Variants in CAMK4 observed in about 807,000 individuals in gnomAD.
CAMK4 encodes the protein calcium/calmodulin-dependent protein kinase type IV.
In CAMK4, 22 loss-of-function variants were observed where a neutral mutation model predicts 44.9. The ratio of observed to expected loss-of-function variants is 0.49; its 90% CI spans 0.35 to 0.70. CAMK4 has a LOEUF of 0.70. Ranked by LOEUF, CAMK4 falls within the 30% of genes least tolerant of loss-of-function variation. CAMK4 has a pLI of 0.01. For missense variants in CAMK4, 498 were observed against 586.8 expected (o/e 0.85, Z 1.56); for synonymous variants, 218 against 215.4 (o/e 1.01, Z -0.11).
intron 5 of CAMK4, among the ~76,000 whole-genome samples, chr5:111,417,674 T>G (rs1752864850): frequency 6.6e-6 from 1 of 152,172 alleles, no homozygotes; most frequent in South Asian, 2.1e-4. Context: ...AACTTTGAAA[T>G]TAACAAGTTA....
At chr5:111,346,526 A>G (rs988161890) in intron 2 of CAMK4, among the ~76,000 whole-genome samples, 2 of 149,474 alleles carry the variant, frequency 1.3e-5, no homozygotes, top group Non-Finnish European at 1.5e-5. Context: ...CCATCCATCT[A>G]TCTATTTCCA....
intron 4 of CAMK4, among the ~76,000 whole-genome samples, chr5:111,394,178 A>G (rs1319379803): frequency 2.6e-5 from 4 of 152,180 alleles, no homozygotes; most frequent in African/African-American, 4.8e-5. Context: ...TGCATATTTG[A>G]TAATATTAAG....
At chr5:111,326,719 T>G (rs1270888149) in intron 1 of CAMK4, among the ~76,000 whole-genome samples, 1 of 151,814 alleles carries the variant, frequency 6.6e-6, no homozygotes, top group Non-Finnish European at 1.5e-5. Flanking sequence ...TCTGTGAATG[T>G]TGCCATTTGC....
rs1244501446 is a variant in CAMK4, at chr5:111,492,010, T to C, written c.*7544T>C. 6.6e-6 allele frequency: 1 copy of C among 152,232 alleles called. No homozygotes were observed. Among genetic ancestry groups the C allele is most frequent in the Non-Finnish European group, 1.5e-5 (1 of 68,040 alleles). 9.4% of individuals were successfully genotyped at this position (152,232 alleles called of 1,614,324 possible). A position where few individuals can be genotyped will look rare whatever the true frequency, so the allele number is the denominator to read the frequency against. On this transcript the variant is annotated 3_prime_UTR_variant, in exon 11 of 11. Transcript: ENST00000282356. ...TCCTGAGTGTTACGTATTTTATTTC[T>C]TTGAAAAGAGAGGGCCTTGAGTAAA...
In CAMK4 at chr5:111,429,349, C is replaced by T. The variant is rs537510525; in HGVS notation, c.460-17337C>T. On this transcript the variant is annotated intron_variant, in intron 5 of 10. Transcript: ENST00000282356. ...AATTCAAAGGTAATTAGTGCTACTG[C>T]GAGCAACTACATGCCAATAAATTGG... 4.6e-5 allele frequency among the ~76,000 whole-genome samples: 7 copies of T among 152,170 alleles called. No homozygotes were observed. In the East Asian group the frequency reaches 9.6e-4, roughly 21 times the overall value.
intron 1 of CAMK4, among the ~76,000 whole-genome samples, chr5:111,236,369 C>T (rs747056607): frequency 3.3e-5 from 5 of 152,232 alleles, no homozygotes; most frequent in Non-Finnish European, 5.9e-5. Flanking sequence ...TGTGATTATA[C>T]TGTCTTTAAG....
chr5:111,361,283 A>G (rs1750580560), intron 2 of CAMK4, among the ~76,000 whole-genome samples: 1 of 152,048 alleles, frequency 6.6e-6, no homozygotes, highest in African/African-American at 2.4e-5. Flanking sequence ...ACTAATAGAA[A>G]ATCACTTAGT....
At chr5:111,429,517 A>C (rs764093918) in intron 5 of CAMK4, among the ~76,000 whole-genome samples, 3 of 152,074 alleles carry the variant, frequency 2.0e-5, no homozygotes, top group Non-Finnish European at 4.4e-5. Context: ...TTGTAATCCC[A>C]GTACTTTGAG....
At chr5:111,282,265 T>C (rs1362631702) in intron 1 of CAMK4, among the ~76,000 whole-genome samples, 1 of 152,122 alleles carries the variant, frequency 6.6e-6, no homozygotes, top group Non-Finnish European at 1.5e-5. Context: ...AGTTCCCTAC[T>C]GTTATTTTAC....
intron 1 of CAMK4, chr5:111,277,526 T>C (rs982367093): frequency 1.3e-5 from 2 of 152,216 alleles, no homozygotes; most frequent in African/African-American, 2.4e-5. Context: ...AAGTTCCCCA[T>C]AGTAAGAGTT....
At chr5:111,379,638 G>A (rs1005921726) in intron 4 of CAMK4, among the ~76,000 whole-genome samples, 1 of 152,026 alleles carries the variant, frequency 6.6e-6, no homozygotes, top group Non-Finnish European at 1.5e-5. Context: ...GAGTTAAAAG[G>A]TAACATGATC....
intron 1 of CAMK4, among the ~76,000 whole-genome samples, chr5:111,314,664 A>G (rs1748347224): frequency 6.6e-6 from 1 of 152,056 alleles, no homozygotes; most frequent in Non-Finnish European, 1.5e-5. Context: ...ACCCTGATGT[A>G]ATTGTGTGTT....
intron 1 of CAMK4, among the ~76,000 whole-genome samples, chr5:111,273,747 TCA>T (rs1284090067): frequency 3.3e-5 from 3 of 89,724 alleles, no homozygotes; most frequent in Non-Finnish European, 7.5e-5. Flanking sequence ...ACACACACGC[TCA>T]CACACACATA....
intron 5 of CAMK4, among the ~76,000 whole-genome samples, chr5:111,431,344 G>A (rs1291650106): frequency 6.6e-6 from 1 of 152,068 alleles, no homozygotes; most frequent in Non-Finnish European, 1.5e-5. Context: ...ATGTCTTGCT[G>A]TATACAAAAA....
Position 111,245,899 on chromosome 5 carries a change from C to A in CAMK4, c.161+21255C>A, listed in dbSNP as rs191152147. On this transcript the variant is annotated intron_variant, in intron 1 of 10. Transcript: ENST00000282356. ...TCACAAATGACTGCAGTTTGTATAA[C>A]TTGTGTTCAGCCAAAGCATGTTTCT... 3.6e-3 allele frequency among the ~76,000 whole-genome samples: 550 copies of A among 152,306 alleles called. 5 individuals are homozygous for A. Among genetic ancestry groups the A allele is most frequent in the African/African-American group, 0.013 (526 of 41,562 alleles).
At chr5:111,253,625 A>C (rs1749615001) in intron 1 of CAMK4, among the ~76,000 whole-genome samples, 1 of 152,238 alleles carries the variant, frequency 6.6e-6, no homozygotes, top group Non-Finnish European at 1.5e-5. Flanking sequence ...GAACAAATGT[A>C]CATGGTGCAT....
At chr5:111,342,459 T>C (rs187405050) in intron 1 of CAMK4, among the ~76,000 whole-genome samples, 2 of 151,600 alleles carry the variant, frequency 1.3e-5, no homozygotes, top group African/African-American at 2.4e-5. Context: ...AGTATCTCTT[T>C]TACCAGGTTT....
At chr5:111,293,913 A>T (rs1366876706) in intron 1 of CAMK4, among the ~76,000 whole-genome samples, 1 of 150,410 alleles carries the variant, frequency 6.6e-6, no homozygotes, top group Non-Finnish European at 1.5e-5. Context: ...TGCCCGGCTA[A>T]TTTTTTTGTA....
At chr5:111,385,102 A>G (rs956391690) in intron 4 of CAMK4, among the ~76,000 whole-genome samples, 2 of 152,202 alleles carry the variant, frequency 1.3e-5, no homozygotes, top group South Asian at 2.1e-4. Context: ...TATAATGACT[A>G]CAATATCACA....
Sources: gnomAD v4.1 joint callset for allele counts (sites outside exome capture counted in the v4.1 genomes callset) on GRCh38, gnomAD v4.1.1 for gene constraint, MANE v1.5 for transcripts, NCBI Gene and HGNC (gene_info 2026-07-23, HGNC 2026-07-21) for gene names.